COMMD10: variants seen among roughly 807,000 people sequenced by gnomAD.
The protein encoded by COMMD10 is COMM domain containing 10.
Under a neutral mutation model 28.9 loss-of-function variants are expected in COMMD10, and 33 were observed. The observed-to-expected ratio is 1.14, with a 90% CI of 0.87 to 1.53. COMMD10 has a LOEUF of 1.53. Ranked by LOEUF, COMMD10 falls within the 40% of genes most tolerant of loss-of-function variation. The probability of loss-of-function intolerance (pLI) is 0.00; values close to 1 mark genes in which losing one functional copy is unlikely to be tolerated. For synonymous variants in COMMD10, 110 were observed against 81.7 expected, an observed-to-expected ratio of 1.35 and a Z score of -1.87; for missense variants, 310 against 233.4, an observed-to-expected ratio of 1.33 and a Z score of -2.14.
chr5:116,219,113 C>T (rs1749177688), intron 5 of COMMD10, among the ~76,000 whole-genome samples: 1 of 152,062 alleles, frequency 6.6e-6, no homozygotes, highest in Non-Finnish European at 1.5e-5. Flanking sequence ...GGAGGGAAGC[C>T]ACAGGAGAAA....
chr5:116,103,992 T>C (rs1750748759), intron 4 of COMMD10, among the ~76,000 whole-genome samples: 1 of 152,196 alleles, frequency 6.6e-6, no homozygotes, highest in Non-Finnish European at 1.5e-5. Context: ...GCCTCTGTTA[T>C]GTTCCATTGG....
intron 5 of COMMD10, among the ~76,000 whole-genome samples, chr5:116,199,360 A>T (rs1022972177): frequency 6.6e-6 from 1 of 152,092 alleles, no homozygotes; most frequent in African/African-American, 2.4e-5. Flanking sequence ...ACATTCCTTT[A>T]TATCAGACAT....
intron 5 of COMMD10, among the ~76,000 whole-genome samples, chr5:116,204,644 A>G (rs577770889): frequency 1.3e-5 from 2 of 152,314 alleles, no homozygotes; most frequent in South Asian, 4.1e-4. Context: ...ATCAATAATA[A>G]GATGCAAATA....
At chr5:116,137,242 T>A (rs1022889906) in intron 5 of COMMD10, among the ~76,000 whole-genome samples, 3 of 152,050 alleles carry the variant, frequency 2.0e-5, no homozygotes, top group Admixed American at 2.0e-4. Context: ...AAACTACTTT[T>A]CTTTCAAATA....
intron 4 of COMMD10, among the ~76,000 whole-genome samples, chr5:116,116,882 G>A (rs1751258209): frequency 6.6e-6 from 1 of 151,818 alleles, no homozygotes; most frequent in Non-Finnish European, 1.5e-5. Context: ...CAGTCTGATG[G>A]GTTTTAGAAG....
chr5:116,140,875 T>A (rs1408105944), intron 5 of COMMD10, among the ~76,000 whole-genome samples: 1 of 151,874 alleles, frequency 6.6e-6, no homozygotes, highest in African/African-American at 2.4e-5. Flanking sequence ...TTTCTTCCAG[T>A]CTGTAGGCTG....
chr5:116,154,351 A>G (rs1474673516), intron 5 of COMMD10, among the ~76,000 whole-genome samples: 1 of 152,180 alleles, frequency 6.6e-6, no homozygotes, highest in Admixed American at 6.6e-5. Context: ...TGTACTGGGT[A>G]GTTTATTGTT....
intron 5 of COMMD10, among the ~76,000 whole-genome samples, chr5:116,243,447 G>A (rs1749864834): frequency 6.6e-6 from 1 of 152,000 alleles, no homozygotes; most frequent in Non-Finnish European, 1.5e-5. Context: ...ATGACTTTGA[G>A]GAAAACAGTT....
rs376547906 is a variant in COMMD10, at chr5:116,256,028, CTAAA to C, written c.511-35484_511-35481del. On this transcript the variant is annotated intron_variant, in intron 5 of 6. Transcript: ENST00000274458. ...GAGCTATTTTCGTATTCAATCTCAG[CTAAA>C]TAAAGTAGCGCAAATATGCATGACT... 4.0e-5 allele frequency among the ~76,000 whole-genome samples: 6 copies of C among 151,626 alleles called. No homozygotes were observed. The East Asian group carries it at 1.2e-3, about 29-fold the overall frequency.
chr5:116,210,847 G>A (rs1241835284), intron 5 of COMMD10, among the ~76,000 whole-genome samples: 4 of 151,882 alleles, frequency 2.6e-5, no homozygotes, highest in East Asian at 1.9e-4. Flanking sequence ...CTCTCACATG[G>A]TACATTAAAA....
At chr5:116,264,229 CTTGG>C (rs1429650517) in intron 5 of COMMD10, among the ~76,000 whole-genome samples, 1 of 151,742 alleles carries the variant, frequency 6.6e-6, no homozygotes, top group Non-Finnish European at 1.5e-5. Flanking sequence ...AAGTACAGGC[CTTGG>C]TGCTGGGGGA....
intron 5 of COMMD10, among the ~76,000 whole-genome samples, chr5:116,186,154 T>C (rs1253682542): frequency 6.6e-6 from 1 of 152,142 alleles, no homozygotes; most frequent in Non-Finnish European, 1.5e-5. Context: ...CGAATGAAGG[T>C]AACAAATTAA....
At chr5:116,094,052 C>G (rs540552740) in intron 4 of COMMD10, among the ~76,000 whole-genome samples, 1 of 152,100 alleles carries the variant, frequency 6.6e-6, no homozygotes, top group African/African-American at 2.4e-5. Context: ...AACATAAGAC[C>G]CACAACTGTT....
intron 5 of COMMD10, among the ~76,000 whole-genome samples, chr5:116,244,815 G>T (rs153611): frequency 0.016 from 2,461 of 152,058 alleles, 75 homozygotes; most frequent in East Asian, 0.11. Flanking sequence ...GGAATCTATG[G>T]AATCCGACTA....
intron 5 of COMMD10, among the ~76,000 whole-genome samples, chr5:116,243,618 G>C (rs1046111645): frequency 6.6e-6 from 1 of 152,086 alleles, no homozygotes; most frequent in Non-Finnish European, 1.5e-5. Context: ...TGCTACATCA[G>C]AAAGTCGAAG....
chr5:116,125,855 T>C (rs1751612303), intron 4 of COMMD10, among the ~76,000 whole-genome samples: 1 of 152,136 alleles, frequency 6.6e-6, no homozygotes, highest in Non-Finnish European at 1.5e-5. Context: ...GCATTCTCTT[T>C]GAAAACTGGC....
At chr5:116,086,462 TC>T (rs576817897) in intron 1 of COMMD10, among the ~76,000 whole-genome samples, 16,647 of 99,670 alleles carry the variant, frequency 0.17, 1,320 homozygotes, top group African/African-American at 0.25. Context: ...AATCTCTCTC[TC>T]TTTTTTTTCC....
intron 5 of COMMD10, among the ~76,000 whole-genome samples, chr5:116,140,550 G>A (rs764979488): frequency 5.3e-5 from 8 of 151,610 alleles, no homozygotes; most frequent in Non-Finnish European, 7.4e-5. Flanking sequence ...ATCAGTGTAC[G>A]GGGTTCCCTT....
chr5:116,263,071 A>G (rs1213830895), intron 5 of COMMD10, among the ~76,000 whole-genome samples: 1 of 151,880 alleles, frequency 6.6e-6, no homozygotes, highest in African/African-American at 2.4e-5. Flanking sequence ...GGTTGTCATG[A>G]TTTAAAATGC....
Sources: gnomAD v4.1 joint callset for allele counts (sites outside exome capture counted in the v4.1 genomes callset) on GRCh38, gnomAD v4.1.1 for gene constraint, MANE v1.5 for transcripts, NCBI Gene and HGNC (gene_info 2026-07-23, HGNC 2026-07-21) for gene names.